ZNF763: variants seen among roughly 807,000 people sequenced by gnomAD.
ZNF763 encodes the protein DNA-binding protein.
A neutral mutation model predicts 38.0 loss-of-function variants in ZNF763; 33 were observed. That is an observed-to-expected ratio of 0.87 (90% CI 0.66 to 1.16). The LOEUF (loss-of-function observed/expected upper bound fraction) is 1.16. ZNF763 is among the 50% of genes most tolerant of loss of function. ZNF763 has a pLI of 0.00. For missense variants in ZNF763, 423 were observed against 469.1 expected (o/e 0.90, Z 0.91); for synonymous variants, 155 against 160.1 (o/e 0.97, Z 0.24).
At position 11,978,120 on chromosome 19, in the gene ZNF763, C is replaced by T. The variant is rs368657438; in HGVS notation, c.196C>T (p.Leu66Phe). The T allele has an allele frequency of 1.7e-5, 28 of 1,611,352 alleles. No homozygotes were observed. Among genetic ancestry groups the T allele is most frequent in the Non-Finnish European group, 2.3e-5 (27 of 1,179,508 alleles). The change falls in exon 4 of 4, where the codon CTC becomes TTC. Residue 66 changes from leucine (L) to phenylalanine (F), a missense_variant. Transcript: ENST00000358987. ...YQNPRRNFRS[L>F]IEGNVNEIKE... Reference sequence around the variant, plus strand: ...TGTGCTTCTCACTTTTGACAGGAGTCTCATAGAAGGGAATGTCAATGAAAT... The same window carrying T: ...TGTGCTTCTCACTTTTGACAGGAGTTTCATAGAAGGGAATGTCAATGAAAT...
At chr19:11,978,061 GATTAA>G in intron 3 of ZNF763, 50 bp from the exon 4 acceptor site, 17 of 1,577,194 alleles carry the variant, frequency 1.1e-5, no homozygotes, top group Non-Finnish European at 1.4e-5. Flanking sequence ...TGCAATACTT[GATTAA>G]TACAAAATTA....
At chr19:11,969,234 A>G (rs922481625) in intron 1 of ZNF763, among the ~76,000 whole-genome samples, 5 of 152,134 alleles carry the variant, frequency 3.3e-5, no homozygotes, top group African/African-American at 1.2e-4. Flanking sequence ...CCTTTCCAGT[A>G]GCTGGGATTA....
chr19:11,974,825 A>G (rs1381582515), intron 1 of ZNF763, among the ~76,000 whole-genome samples: 1 of 152,016 alleles, frequency 6.6e-6, no homozygotes, highest in Non-Finnish European at 1.5e-5. Context: ...CTGATCTTAA[A>G]CTGCTGACCT....
At chr19:11,967,021 CAGTGTGTAGAG>C (rs1484038998) in intron 1 of ZNF763, among the ~76,000 whole-genome samples, 9 of 152,128 alleles carry the variant, frequency 5.9e-5, no homozygotes, top group African/African-American at 1.9e-4. Flanking sequence ...TCGCAATGTA[CAGTGTGTAGAG>C]AGTTTATTGA....
chr19:11,971,926 G>T (rs1446000625), intron 1 of ZNF763, among the ~76,000 whole-genome samples: 1 of 152,122 alleles, frequency 6.6e-6, no homozygotes, highest in Non-Finnish European at 1.5e-5. Flanking sequence ...GCCAGGCGTG[G>T]TGGCAGAGGC....
intron 1 of ZNF763, among the ~76,000 whole-genome samples, chr19:11,973,870 C>T (rs761686380): frequency 2.6e-5 from 4 of 152,110 alleles, no homozygotes; most frequent in Non-Finnish European, 5.9e-5. Flanking sequence ...ACTACTGAAT[C>T]AGTAAGACCA....
rs541327765 is a variant in ZNF763, at chr19:11,974,405, C to T, written c.4-2633C>T. 4.0e-4 allele frequency among the ~76,000 whole-genome samples: 60 copies of T among 151,550 alleles called. No homozygotes were observed. In the South Asian group the frequency reaches 6.9e-3, roughly 17 times the overall value. The stretch of plus-strand genomic sequence containing the variant: ...AGAGATGACATTTTACCATGTTGGC[C>T]GGGGTGGTCTCAAATTTCTGACCTC... On this transcript the variant is annotated intron_variant, in intron 1 of 3. Transcript: ENST00000358987.
chr19:11,977,242 G>T, intron 2 of ZNF763, 78 bp downstream of exon 2: 1 of 1,606,270 alleles, frequency 6.2e-7, no homozygotes, highest in African/African-American at 1.3e-5. Context: ...TGAGTCATTT[G>T]GAACATAGAC....
chr19:11,978,831 GA>G lies in ZNF763; in HGVS notation c.910del (p.Arg304GlufsTer94). On this transcript the variant is annotated frameshift_variant, in exon 4 of 4. Transcript: ENST00000358987. LOFTEE classifies it high-confidence loss of function. Reference protein sequence around the residue: ...FSWCHSFQIHERTHTGEKPCE... With the variant: ...FSWCHSFQIHXRTHTGEKPCE... ...TTGGTGTCATTCCTTTCAAATACAT[GA>G]AAGAACTCACACTGGGGAGAAGCCC... 1 of 1,614,126 alleles carries G rather than the reference GA, an allele frequency of 6.2e-7. No individual in the cohort carries two copies. The highest frequency in any genetic ancestry group is 8.5e-7 in the Non-Finnish European group (1 of 1,179,998).
chr19:11,979,394 TCA>T lies in ZNF763; in HGVS notation c.*289_*290del. 2 of 1,602,738 alleles carry T rather than the reference TCA, an allele frequency of 1.2e-6. No individual in the cohort carries two copies. The highest frequency in any genetic ancestry group is 1.1e-5 in the South Asian group (1 of 90,688). On this transcript the variant is annotated 3_prime_UTR_variant, in exon 4 of 4. Transcript: ENST00000358987. The stretch of plus-strand genomic sequence containing the variant: ...ATGTGGGAAAGCCTTCAGATCTGCC[TCA>T]CACCTTCAAATTCATGAAAGGACAC...
At chr19:11,973,213 A>G (rs1973386552) in intron 1 of ZNF763, among the ~76,000 whole-genome samples, 1 of 151,798 alleles carries the variant, frequency 6.6e-6, no homozygotes, top group Non-Finnish European at 1.5e-5. Flanking sequence ...TGCCACCCCT[A>G]TTTATCCCTG....
At position 11,967,932 on chromosome 19, in the gene ZNF763, C is replaced by A. The variant is rs556251026; in HGVS notation, c.3+2721C>A. On this transcript the variant is annotated intron_variant, in intron 1 of 3. Transcript: ENST00000358987. ...AAGAAAACTATCCTTTACCTTTTAG[C>A]ACACAAGTGCATTAAAACATAACTA... Among the ~76,000 whole-genome samples the A allele has an allele frequency of 5.9e-5, 9 of 152,316 alleles. No homozygotes were observed. In the South Asian group the frequency reaches 1.7e-3, roughly 28 times the overall value.
At position 11,979,693 on chromosome 19, in the gene ZNF763, C is replaced by T; in HGVS notation, c.*584C>T. 2.5e-6 allele frequency: 4 copies of T among 1,601,502 alleles called. No homozygotes were observed. Among genetic ancestry groups the T allele is most frequent in the Admixed American group, 1.7e-5 (1 of 59,482 alleles). On this transcript the variant is annotated 3_prime_UTR_variant, in exon 4 of 4. Coordinates refer to ENST00000358987, the MANE Select transcript of ZNF763 (RefSeq NM_001367172.2). ...TCCTTCAAATGCATGCTGGGACTCACCCTGAAGAGAAGCCCTACGAGTGTA... is the reference window on the plus strand; with the variant it reads ...TCCTTCAAATGCATGCTGGGACTCATCCTGAAGAGAAGCCCTACGAGTGTA...
rs1414494887 is a variant in ZNF763 at position 11,978,276 on chromosome 19, A to G, written c.352A>G (p.Asn118Asp). The change falls in exon 4 of 4, where the codon AAC becomes GAC. Residue 118 changes from asparagine (N) to aspartate (D), a missense_variant. By Grantham distance (23) the Asn-to-Asp change is conservative. Transcript: ENST00000358987. ...TGTATGTGGAGAAGTTGGCATAGGT[A>G]ACTCATCTTTTAATATGAACATCAG... is the stretch of plus-strand genomic sequence containing the variant. ...NFVCGEVGIG[N>D]SSFNMNIRGD... is the part of the protein sequence containing the mutation. The G allele has an allele frequency of 1.2e-6, 2 of 1,614,148 alleles. No individual in the cohort carries two copies. Among genetic ancestry groups the G allele is most frequent in the Admixed American group, 3.3e-5 (2 of 60,020 alleles).
intron 1 of ZNF763, among the ~76,000 whole-genome samples, chr19:11,975,179 A>G (rs998451527): frequency 2.1e-4 from 32 of 151,178 alleles, no homozygotes; most frequent in African/African-American, 7.1e-4. Flanking sequence ...GCTCACCACA[A>G]CCTCCGCCTC....
intron 1 of ZNF763, among the ~76,000 whole-genome samples, chr19:11,974,069 T>TTTTCTTTCTTAC (rs1973407735): frequency 4.4e-5 from 5 of 114,776 alleles, no homozygotes; most frequent in African/African-American, 1.6e-4. Context: ...TCCTTCTTTC[T>TTTTCTTTCTTAC]TTTCTTTCTT....
At position 11,976,353 on chromosome 19, in the gene ZNF763, A is replaced by T. The variant is rs180797776; in HGVS notation, c.4-685A>T. ...TTCAGTGAATGCACACATTTTCCCA[A>T]CCCACTGTGGCTTTACCCCTTGTTG... is the stretch of plus-strand genomic sequence containing the variant. On this transcript the variant is annotated intron_variant, in intron 1 of 3. Coordinates refer to ENST00000358987, the MANE Select transcript of ZNF763 (RefSeq NM_001367172.2). Among the ~76,000 whole-genome samples, 300 of 151,308 alleles carry T rather than the reference A, an allele frequency of 2.0e-3. 2 individuals carry two copies. Among genetic ancestry groups the T allele is most frequent in the African/African-American group, 6.7e-3 (278 of 41,208 alleles).
At position 11,978,649 on chromosome 19, in the gene ZNF763, C is replaced by T. The variant is rs1049350542; in HGVS notation, c.725C>T (p.Thr242Ile). 6.2e-6 allele frequency: 10 copies of T among 1,614,008 alleles called. No individual in the cohort carries two copies. Among genetic ancestry groups the T allele is most frequent in the Non-Finnish European group, 8.5e-6 (10 of 1,179,966 alleles). ...GTTAAATCCTTTAGTTATTCTGCTA[C>T]CCATCGAATACATGAAAGAACTCAC... ...QCVKSFSYSATHRIHERTHTG... is the reference protein window; with the variant it reads ...QCVKSFSYSAIHRIHERTHTG... The change falls in exon 4 of 4, where the codon ACC becomes ATC. Residue 242 changes from threonine to isoleucine, a missense_variant. Thr to Ile is a moderately conservative substitution (Grantham distance 89, BLOSUM62 -1). Transcript: ENST00000358987.
intron 1 of ZNF763, among the ~76,000 whole-genome samples, chr19:11,966,969 A>G (rs774139212): frequency 6.6e-6 from 1 of 152,208 alleles, no homozygotes; most frequent in Non-Finnish European, 1.5e-5. Context: ...TCAGACCCCA[A>G]GAGGGTTCTT....
Sources: allele counts gnomAD v4.1 joint callset (sites outside exome capture counted in the v4.1 genomes callset), GRCh38; gene constraint gnomAD v4.1.1; transcripts MANE v1.5; gene names NCBI Gene and HGNC (gene_info 2026-07-23, HGNC 2026-07-21).